Variants in NTRK3 observed in about 807,000 individuals in gnomAD.
The protein encoded by NTRK3 is NT-3 growth factor receptor.
NTRK3 carries 24 observed loss-of-function variants against 91.7 expected under a neutral mutation model. That is an observed-to-expected ratio of 0.26 (90% CI 0.19 to 0.37). NTRK3 has a LOEUF of 0.37. Among genes scored for constraint, NTRK3 ranks in the 10% least tolerant of loss-of-function variants. The pLI, the probability that NTRK3 is intolerant of heterozygous loss-of-function variation, is 1.00. For synonymous variants in NTRK3, 483 were observed against 404.0 expected, an observed-to-expected ratio of 1.20 and a Z score of -2.34; for missense variants, 880 against 1,068.9, an observed-to-expected ratio of 0.82 and a Z score of 2.46.
intron 13 of NTRK3, among the ~76,000 whole-genome samples, chr15:88,049,406 C>A (rs1384794457): frequency 6.6e-6 from 1 of 152,056 alleles, no homozygotes; most frequent in African/African-American, 2.4e-5. Flanking sequence ...CTATTAAAAA[C>A]CCCACAGTGT....
intron 3 of NTRK3, among the ~76,000 whole-genome samples, chr15:88,229,646 G>A (rs2141702714): frequency 6.6e-6 from 1 of 152,312 alleles, no homozygotes; most frequent in African/African-American, 2.4e-5. Context: ...AATGTCCCCA[G>A]GGGTACCAGC....
At chr15:87,899,160 G>C (rs1450196584) in intron 17 of NTRK3, among the ~76,000 whole-genome samples, 1 of 152,134 alleles carries the variant, frequency 6.6e-6, no homozygotes, top group Non-Finnish European at 1.5e-5. Flanking sequence ...CTGGGTCCAG[G>C]ATTTAAATAA....
At chr15:88,035,776 C>CA (rs1027968917) in intron 13 of NTRK3, among the ~76,000 whole-genome samples, 10 of 151,730 alleles carry the variant, frequency 6.6e-5, no homozygotes, top group East Asian at 1.9e-4. Context: ...ACTTTCTAAA[C>CA]AAAAAAAACT....
intron 3 of NTRK3, among the ~76,000 whole-genome samples, chr15:88,242,558 C>T (rs1238400695): frequency 6.6e-6 from 1 of 152,204 alleles, no homozygotes; most frequent in Non-Finnish European, 1.5e-5. Flanking sequence ...ACCTGCCTCC[C>T]TCCATTCACC....
intron 3 of NTRK3, among the ~76,000 whole-genome samples, chr15:88,252,183 A>G (rs2053463286): frequency 6.6e-6 from 1 of 152,068 alleles, no homozygotes; most frequent in African/African-American, 2.4e-5. Flanking sequence ...CCTAGTCCTA[A>G]TCCTGGGGTT....
At chr15:88,186,873 A>G (rs1363747079) in intron 3 of NTRK3, among the ~76,000 whole-genome samples, 1 of 152,174 alleles carries the variant, frequency 6.6e-6, no homozygotes, top group Non-Finnish European at 1.5e-5. Context: ...GTCAAAATGC[A>G]TATCCTGGCC....
chr15:87,945,464 C>T (rs547314842), intron 14 of NTRK3, among the ~76,000 whole-genome samples: 16 of 152,326 alleles, frequency 1.1e-4, no homozygotes, highest in Admixed American at 6.5e-4. Context: ...CTGCAGCAAG[C>T]GTGACCTAGA....
intron 5 of NTRK3, among the ~76,000 whole-genome samples, chr15:88,183,090 T>C (rs1478404067): frequency 6.8e-6 from 1 of 146,150 alleles, no homozygotes; most frequent in Admixed American, 7.0e-5. Context: ...AGTATAGTAT[T>C]CACATTACAT....
At chr15:88,252,674 G>C (rs1183909288) in intron 3 of NTRK3, 1 of 152,296 alleles carries the variant, frequency 6.6e-6, no homozygotes, top group Non-Finnish European at 1.5e-5. Context: ...TGACGTCACA[G>C]CCTGGTTGGG....
At chr15:88,225,228 C>T (rs145420493) in intron 3 of NTRK3, among the ~76,000 whole-genome samples, 48 of 152,312 alleles carry the variant, frequency 3.2e-4, no homozygotes, top group Middle Eastern at 3.4e-3. Flanking sequence ...CCCTGTGCTG[C>T]TGGGTTTGCT....
chr15:87,863,834 T>C lies in NTRK3; in HGVS notation c.*13101A>G, dbSNP rs188320504. ...TAAAACTTTGCCATGAACTGCAACA[T>C]GGGCCTCTGAATTCCTCTCCTTTCC... On this transcript the variant is annotated 3_prime_UTR_variant, in exon 19 of 19. Transcript: ENST00000394480. The C allele has an allele frequency of 1.9e-3, 439 of 232,018 alleles. 2 individuals are homozygous for C. The highest frequency in any genetic ancestry group is 2.8e-3 in the Non-Finnish European group (324 of 117,230). 14.4% of individuals were successfully genotyped at this position (232,018 alleles called of 1,614,324 possible).
intron 13 of NTRK3, among the ~76,000 whole-genome samples, chr15:88,104,606 TTG>T (rs2050511658): frequency 1.3e-5 from 2 of 152,176 alleles, no homozygotes; most frequent in African/African-American, 4.8e-5. Flanking sequence ...TTACTTCAAA[TTG>T]TGTGTGTGTC....
intron 14 of NTRK3, among the ~76,000 whole-genome samples, chr15:87,945,187 G>C (rs748530194): frequency 1.1e-4 from 17 of 152,168 alleles, no homozygotes; most frequent in Non-Finnish European, 2.4e-4. Context: ...TAATGGGAAG[G>C]GTTCTTTGGA....
chr15:88,095,456 A>G (rs1242935114), intron 13 of NTRK3, among the ~76,000 whole-genome samples: 4 of 152,170 alleles, frequency 2.6e-5, no homozygotes, highest in Non-Finnish European at 4.4e-5. Context: ...CAGGGTGTCA[A>G]TGTTGTCAAT....
intron 15 of NTRK3, among the ~76,000 whole-genome samples, chr15:87,936,464 C>G (rs2069286776): frequency 6.6e-6 from 1 of 151,654 alleles, no homozygotes; most frequent in South Asian, 2.1e-4. Flanking sequence ...AACACAACTT[C>G]TCGACAGCTC....
At chr15:87,992,322 C>T (rs1356062502) in intron 14 of NTRK3, among the ~76,000 whole-genome samples, 1 of 152,164 alleles carries the variant, frequency 6.6e-6, no homozygotes, top group Non-Finnish European at 1.5e-5. Context: ...AGCTTCTGTC[C>T]TCACTTCCAC....
intron 3 of NTRK3, among the ~76,000 whole-genome samples, chr15:88,246,603 A>C (rs1224886570): frequency 1.3e-5 from 2 of 152,128 alleles, no homozygotes; most frequent in Non-Finnish European, 2.9e-5. Context: ...GCTACCTTCC[A>C]TGCATTCACC....
At chr15:88,052,000 G>A (rs1387644330) in intron 13 of NTRK3, among the ~76,000 whole-genome samples, 1 of 152,154 alleles carries the variant, frequency 6.6e-6, no homozygotes, top group African/African-American at 2.4e-5. Context: ...TTGAAAGACT[G>A]GCTAACTCTT....
At chr15:88,154,558 G>T (rs921339467) in intron 5 of NTRK3, among the ~76,000 whole-genome samples, 7 of 152,152 alleles carry the variant, frequency 4.6e-5, no homozygotes, top group African/African-American at 1.7e-4. Flanking sequence ...TTTTTATTCA[G>T]TTAAATTACA....
Sources: gnomAD v4.1 joint callset for allele counts (sites outside exome capture counted in the v4.1 genomes callset) on GRCh38, gnomAD v4.1.1 for gene constraint, MANE v1.5 for transcripts, NCBI Gene and HGNC (gene_info 2026-07-23, HGNC 2026-07-21) for gene names.